The following RFX6 variants were observed in gnomAD, a reference collection of about 807,000 sequenced individuals.
RFX6 encodes DNA-binding protein RFX6.
In RFX6, 50 loss-of-function variants were observed where a neutral mutation model predicts 110.8. That is an observed-to-expected ratio of 0.45 (90% CI 0.36 to 0.57). The LOEUF (loss-of-function observed/expected upper bound fraction) is 0.57. Ranked by LOEUF, RFX6 falls within the 20% of genes least tolerant of loss-of-function variation. The probability of loss-of-function intolerance (pLI) is 0.00; values close to 1 mark genes in which losing one functional copy is unlikely to be tolerated. For missense variants in RFX6, 990 were observed against 1,127.0 expected, an observed-to-expected ratio of 0.88 and a Z score of 1.74; for synonymous variants, 383 against 411.2, an observed-to-expected ratio of 0.93 and a Z score of 0.83.
rs775728941 is a variant in RFX6, at chr6:116,927,480, T to G, written c.2339T>G (p.Leu780Trp). The G allele has an allele frequency of 1.2e-6, 2 of 1,614,124 alleles. No homozygotes were observed. The highest frequency in any genetic ancestry group is 2.2e-5 in the East Asian group (1 of 44,882). ...QFLNTGSFNF[L>W]SNTGAASCQG... is the part of the protein sequence containing the mutation. ...TTAAATACAGGAAGCTTCAATTTCT[T>G]GAGCAACACAGGAGCTGCCAGCTGC... The change falls in exon 17 of 19, where the codon TTG becomes TGG. Residue 780 changes from leucine (L) to tryptophan (W), a missense_variant. By Grantham distance (61) the Leu-to-Trp change is moderately conservative. Coordinates refer to ENST00000332958, the MANE Select transcript of RFX6 (RefSeq NM_173560.4).
chr6:116,882,227 T>G, intron 3 of RFX6, 140 bp from the exon 4 acceptor site: 1 of 702,174 alleles, frequency 1.4e-6, no homozygotes, highest in African/African-American at 1.8e-5. Context: ...TATGTGTAAG[T>G]TATTACTTTT....
chr6:116,901,376 G>A (rs1010251313), intron 6 of RFX6, among the ~76,000 whole-genome samples: 11 of 144,400 alleles, frequency 7.6e-5, no homozygotes, highest in Middle Eastern at 3.2e-3. Flanking sequence ...GCTCAGTCAC[G>A]TTAGCTACAT....
At chr6:116,904,555 A>G (rs1223404684) in intron 6 of RFX6, among the ~76,000 whole-genome samples, 1 of 152,140 alleles carries the variant, frequency 6.6e-6, no homozygotes, top group East Asian at 1.9e-4. Flanking sequence ...TTTTGAGTGT[A>G]CAGTTTTGTG....
intron 4 of RFX6, among the ~76,000 whole-genome samples, chr6:116,883,421 T>C (rs1333002015): frequency 6.6e-6 from 1 of 152,126 alleles, no homozygotes; most frequent in African/African-American, 2.4e-5. Context: ...CATCCAGCAC[T>C]GATCAATGAA....
intron 4 of RFX6, among the ~76,000 whole-genome samples, chr6:116,892,152 T>C (rs1562135334): frequency 6.6e-6 from 1 of 152,262 alleles, no homozygotes; most frequent in Non-Finnish European, 1.5e-5. Context: ...TATTTGTTGC[T>C]GCTGTTGTTG....
intron 1 of RFX6, 91 bp downstream of exon 1, chr6:116,877,589 A>G (rs1156871786): frequency 1.8e-5 from 20 of 1,101,966 alleles, no homozygotes; most frequent in Non-Finnish European, 2.6e-5. Context: ...CCGAACAAAC[A>G]TAAGGCAGAT....
At chr6:116,928,373 A>C (rs890614811) in intron 17 of RFX6, among the ~76,000 whole-genome samples, 60 of 152,180 alleles carry the variant, frequency 3.9e-4, no homozygotes, top group Non-Finnish European at 7.1e-4. Context: ...TCTATACATG[A>C]AAGTAGTATT....
intron 16 of RFX6, among the ~76,000 whole-genome samples, chr6:116,925,934 A>G (rs1160196693): frequency 1.3e-5 from 2 of 152,236 alleles, no homozygotes; most frequent in Non-Finnish European, 2.9e-5. Flanking sequence ...TAGATGAGGT[A>G]TACATAAAAT....
intron 16 of RFX6, among the ~76,000 whole-genome samples, chr6:116,926,175 G>A (rs1015866299): frequency 5.9e-5 from 9 of 152,018 alleles, no homozygotes; most frequent in Non-Finnish European, 1.0e-4. Context: ...AAAATTAGCC[G>A]GGCTTGGTGG....
intron 7 of RFX6, among the ~76,000 whole-genome samples, chr6:116,914,695 G>T (rs1775426147): frequency 6.6e-6 from 1 of 152,106 alleles, no homozygotes; most frequent in African/African-American, 2.4e-5. Context: ...AAAGATATGT[G>T]TATTGGGTTG....
intron 6 of RFX6, among the ~76,000 whole-genome samples, chr6:116,895,418 G>A (rs1338704086): frequency 6.6e-6 from 1 of 151,974 alleles, no homozygotes; most frequent in African/African-American, 2.4e-5. Flanking sequence ...GTTAACCTAG[G>A]AGAGATACAT....
At position 116,877,784 on chromosome 6, in the gene RFX6, A is replaced by G. The variant is rs587776515; in HGVS notation, c.224-12A>G. On this transcript the variant is annotated splice_polypyrimidine_tract_variant and intron_variant, in intron 1 of 18. Coordinates refer to ENST00000332958, the MANE Select transcript of RFX6 (RefSeq NM_173560.4). ...TCTATTTTTCTTTATCATCCCTTCA[A>G]CTGGCAATCAGAAATGCACTTAAAC... 5.0e-6 allele frequency: 8 copies of G among 1,613,800 alleles called. No homozygotes were observed. The highest frequency in any genetic ancestry group is 6.8e-6 in the Non-Finnish European group (8 of 1,179,792).
At position 116,911,015 on chromosome 6, in the gene RFX6, A is replaced by T; in HGVS notation, c.753A>T (p.Val251=). 1 of 1,611,316 alleles carries T rather than the reference A, an allele frequency of 6.2e-7. No homozygotes were observed. Among genetic ancestry groups the T allele is most frequent in the Non-Finnish European group, 8.5e-7 (1 of 1,177,484 alleles). The part of the protein sequence containing the change: ...LPEFPSAQHL[V]YQGCISKDKV... ...AATTCCCCAGCGCTCAACACCTTGT[A>T]TACCAAGGATGCATTTCTAAGGACA... is the stretch of plus-strand genomic sequence containing the variant. Residue 251 remains valine (V), a synonymous_variant, in exon 7 of 19, where the codon GTA becomes GTT. Coordinates refer to ENST00000332958, the MANE Select transcript of RFX6 (RefSeq NM_173560.4).
intron 16 of RFX6, 147 bp from the exon 17 acceptor site, chr6:116,926,880 G>A: frequency 1.4e-6 from 1 of 717,142 alleles, no homozygotes; most frequent in Non-Finnish European, 2.4e-6. Flanking sequence ...TGGATTTTTG[G>A]TGCTTTTCAG....
chr6:116,880,440 A>G lies in RFX6; in HGVS notation c.381-104A>G. On this transcript the variant is annotated intron_variant, in intron 2 of 18. Transcript: ENST00000332958. ...CGAAGTCTACTTATGTCTACTCATT[A>G]CCTCATTTATAGAGTCCATATTCAA... is the stretch of plus-strand genomic sequence containing the variant. 4 of 970,322 alleles carry G rather than the reference A, an allele frequency of 4.1e-6. No homozygotes were observed. The South Asian group carries it at 5.7e-5, about 14-fold the overall frequency. The allele number at this position is 970,322 out of a possible 1,614,324, so 60.1% of individuals were successfully genotyped here.
rs142421616 is a variant in RFX6, at chr6:116,925,946, C to A, written c.1885+287C>A. 1.4e-3 allele frequency among the ~76,000 whole-genome samples: 208 copies of A among 152,208 alleles called. 1 individual carries two copies. The highest frequency in any genetic ancestry group is 4.3e-3 in the African/African-American group (178 of 41,532). On this transcript the variant is annotated intron_variant, in intron 16 of 18. Transcript: ENST00000332958. ...AATTAGATGAGGTATACATAAAATTCTTAAGATGCTTTGAAGATCAAAAAA... is the reference window on the plus strand; with the variant it reads ...AATTAGATGAGGTATACATAAAATTATTAAGATGCTTTGAAGATCAAAAAA...
chr6:116,881,286 A>G (rs1179538974), intron 3 of RFX6, among the ~76,000 whole-genome samples: 1 of 152,026 alleles, frequency 6.6e-6, no homozygotes, highest in Non-Finnish European at 1.5e-5. Flanking sequence ...ATGTCTTAAG[A>G]AAGCCTTGTT....
In RFX6 at chr6:116,928,871, C is replaced by T. The variant is rs1399400549; in HGVS notation, c.2511C>T (p.Ile837=). ...GTTCACTGCCCCCCTACAGTGACAT[C>T]CACGATCCACTTAACATTTTAGATG... The part of the protein sequence containing the change: ...SIRSLPPYSD[I]HDPLNILDDS... The change falls in exon 18 of 19, where the codon ATC becomes ATT. Residue 837 remains isoleucine, a synonymous_variant. Transcript: ENST00000332958. The T allele has an allele frequency of 6.2e-7, 1 of 1,613,528 alleles. No individual in the cohort carries two copies. The highest frequency in any genetic ancestry group is 8.5e-7 in the Non-Finnish European group (1 of 1,179,408).
intron 6 of RFX6, among the ~76,000 whole-genome samples, chr6:116,907,784 C>A (rs1775238958): frequency 6.6e-6 from 1 of 152,072 alleles, no homozygotes; most frequent in African/African-American, 2.4e-5. Flanking sequence ...TCTTACTTAA[C>A]TTCTGTCTGT....
Sources: gnomAD v4.1 joint callset for allele counts (sites outside exome capture counted in the v4.1 genomes callset) on GRCh38, gnomAD v4.1.1 for gene constraint, MANE v1.5 for transcripts, NCBI Gene and HGNC (gene_info 2026-07-23, HGNC 2026-07-21) for gene names.